GTF2H1: variants seen among roughly 807,000 people sequenced by gnomAD.
GTF2H1 encodes the protein BTF2 p62.
GTF2H1 carries 16 observed loss-of-function variants against 71.2 expected under a neutral mutation model. That is an observed-to-expected ratio of 0.22 (90% CI 0.15 to 0.34). The LOEUF (loss-of-function observed/expected upper bound fraction) is 0.34, where lower values mean the gene tolerates loss of function less well. Ranked by LOEUF, GTF2H1 falls within the 10% of genes least tolerant of loss-of-function variation. The pLI, the probability that GTF2H1 is intolerant of heterozygous loss-of-function variation, is 1.00. For missense variants in GTF2H1, 498 were observed against 648.2 expected (o/e 0.77, Z 2.52); for synonymous variants, 215 against 219.0 (o/e 0.98, Z 0.16).
At chr11:18,344,000 A>AT (rs4150620) in intron 7 of GTF2H1, among the ~76,000 whole-genome samples, 2,594 of 151,968 alleles carry the variant, frequency 0.017, 52 homozygotes, top group African/African-American at 0.052. Flanking sequence ...GGCTAATTTT[A>AT]TTTTTTGTAG....
At chr11:18,354,671 A>G (rs780244583) in intron 11 of GTF2H1, among the ~76,000 whole-genome samples, 143 of 152,232 alleles carry the variant, frequency 9.4e-4, no homozygotes, top group Admixed American at 1.6e-3. Context: ...ATGATTTTCT[A>G]ATTCCATCAG....
Position 18,361,429 on chromosome 11 carries a change from G to T in GTF2H1, c.1560+722G>T, listed in dbSNP as rs1427842849. Among the ~76,000 whole-genome samples, 4 of 152,212 alleles carry T rather than the reference G, an allele frequency of 2.6e-5. No individual in the cohort carries two copies. In the Middle Eastern group the frequency reaches 0.014, roughly 518 times the overall value. On this transcript the variant is annotated intron_variant, in intron 14 of 14. Transcript: ENST00000265963. ...TGCCTGTAATCCCAGCACATTGAGAGGCCAAGGCAGGCTGATCACTTGAGG... is the reference window on the plus strand; with the variant it reads ...TGCCTGTAATCCCAGCACATTGAGATGCCAAGGCAGGCTGATCACTTGAGG...
At chr11:18,352,878 T>C (rs4150651) in intron 11 of GTF2H1, among the ~76,000 whole-genome samples, 95,446 of 152,146 alleles carry the variant, frequency 0.63, 31,338 homozygotes, top group East Asian at 0.96. Flanking sequence ...ATCACCCTTA[T>C]TTAGGCAAAC....
chr11:18,345,957 A>AT (rs1865284667), intron 7 of GTF2H1, among the ~76,000 whole-genome samples: 1 of 151,452 alleles, frequency 6.6e-6, no homozygotes, highest in Non-Finnish European at 1.5e-5. Context: ...CGCCCGGCTA[A>AT]TTTTTTGTAT....
intron 10 of GTF2H1, 50 bp from the exon 11 acceptor site, chr11:18,352,279 G>GTCT: frequency 1.2e-6 from 1 of 825,496 alleles, no homozygotes; most frequent in East Asian, 2.5e-5. Flanking sequence ...GACAAATGTT[G>GTCT]AGCATCTTTA....
rs759797493 is a variant in GTF2H1, at chr11:18,339,681, A to G, written c.607+24A>G. The G allele has an allele frequency of 2.3e-6, 3 of 1,298,056 alleles. No individual in the cohort carries two copies. In the East Asian group the frequency reaches 6.9e-5, roughly 30 times the overall value. The allele number at this position is 1,298,056 out of a possible 1,614,324, so 80.4% of individuals were successfully genotyped here. A position where few individuals can be genotyped will look rare whatever the true frequency, so the allele number is the denominator to read the frequency against. On this transcript the variant is annotated intron_variant, in intron 5 of 14. Coordinates refer to ENST00000265963, the MANE Select transcript of GTF2H1 (RefSeq NM_005316.4). ...AGGTAAGAAGAATCAGTTCTTTCAGATGGTTAAAATATATGGATATATTCT... is the reference window on the plus strand; with the variant it reads ...AGGTAAGAAGAATCAGTTCTTTCAGGTGGTTAAAATATATGGATATATTCT...
At chr11:18,329,214 C>T (rs1319203653) in intron 1 of GTF2H1, among the ~76,000 whole-genome samples, 2 of 152,136 alleles carry the variant, frequency 1.3e-5, no homozygotes, top group African/African-American at 2.4e-5. Context: ...TAAAAGCAGT[C>T]ATCTAATCGG....
chr11:18,339,187 T>C (rs925175509), intron 4 of GTF2H1, among the ~76,000 whole-genome samples: 1 of 152,220 alleles, frequency 6.6e-6, no homozygotes, highest in Non-Finnish European at 1.5e-5. Flanking sequence ...GTGAAGTGAA[T>C]TAATAAGGCC....
intron 7 of GTF2H1, among the ~76,000 whole-genome samples, chr11:18,344,184 T>C (rs4150623): frequency 7.3e-6 from 1 of 137,690 alleles, no homozygotes; most frequent in African/African-American, 2.7e-5. Context: ...ACAATACACC[T>C]CTCATCTGTG....
chr11:18,325,133 A>C (rs1484995158), intron 1 of GTF2H1, among the ~76,000 whole-genome samples: 1 of 152,236 alleles, frequency 6.6e-6, no homozygotes, highest in Non-Finnish European at 1.5e-5. Flanking sequence ...TTCTTTCAGA[A>C]GATTTCTCTT....
intron 1 of GTF2H1, among the ~76,000 whole-genome samples, chr11:18,325,773 T>C (rs754662700): frequency 3.9e-5 from 6 of 152,160 alleles, no homozygotes; most frequent in Non-Finnish European, 7.4e-5. Context: ...TTCGGACAAA[T>C]ACATTTTTAA....
At chr11:18,332,152 G>A (rs564762842) in intron 1 of GTF2H1, among the ~76,000 whole-genome samples, 8 of 152,276 alleles carry the variant, frequency 5.3e-5, no homozygotes, top group African/African-American at 1.9e-4. Flanking sequence ...TTAACCCTCA[G>A]AAAAATGTTG....
At chr11:18,351,237 A>AAAAAAAAAT (rs59500473) in intron 9 of GTF2H1, among the ~76,000 whole-genome samples, 2 of 151,040 alleles carry the variant, frequency 1.3e-5, no homozygotes, top group African/African-American at 4.9e-5. Flanking sequence ...GAAAAAAAAA[A>AAAAAAAAAT]TTTTTTAAGC....
intron 11 of GTF2H1, among the ~76,000 whole-genome samples, chr11:18,353,117 C>G (rs902369766): frequency 1.3e-5 from 2 of 152,158 alleles, no homozygotes; most frequent in African/African-American, 4.8e-5. Context: ...CCCAGCTACT[C>G]AAGACGCTGA....
At chr11:18,341,229 A>G (rs766026326) in intron 5 of GTF2H1, 32 bp from the exon 6 acceptor site, 2 of 1,564,014 alleles carry the variant, frequency 1.3e-6, no homozygotes, top group Admixed American at 1.8e-5. Context: ...ATGGAAATTC[A>G]GTATATAATA....
chr11:18,351,834 A>G (rs1238607228), intron 9 of GTF2H1, 47 bp from the exon 10 acceptor site: 4 of 995,632 alleles, frequency 4.0e-6, no homozygotes, highest in African/African-American at 3.2e-5. Context: ...TTTATTGTGT[A>G]AGAGAAAGTT....
rs577312384 is a variant in GTF2H1 at position 18,359,275 on chromosome 11, C to T, written c.1467+635C>T. Among the ~76,000 whole-genome samples, 6 of 152,260 alleles carry T rather than the reference C, an allele frequency of 3.9e-5. No individual in the cohort carries two copies. The South Asian group carries it at 1.2e-3, about 32-fold the overall frequency. On this transcript the variant is annotated intron_variant, in intron 13 of 14. Transcript: ENST00000265963. ...AACATTTTGGCCAAGCACGGTGGCT[C>T]ACACCTGTAATCCCAACACTTTGGC...
At chr11:18,336,047 G>A (rs937147874) in intron 3 of GTF2H1, 101 bp downstream of exon 3, 2 of 807,412 alleles carry the variant, frequency 2.5e-6, no homozygotes, top group Non-Finnish European at 3.7e-6. Flanking sequence ...TTTCGGTTTT[G>A]GTTTTGGTTT....
chr11:18,351,849 CAA>C, intron 9 of GTF2H1, 30 bp from the exon 10 acceptor site: 1 of 1,133,296 alleles, frequency 8.8e-7, no homozygotes, highest in Non-Finnish European at 1.3e-6. Flanking sequence ...AAAGTTGTGA[CAA>C]AATAAAAAGT....
Sources: gnomAD v4.1 joint callset for allele counts (sites outside exome capture counted in the v4.1 genomes callset) on GRCh38, gnomAD v4.1.1 for gene constraint, MANE v1.5 for transcripts, NCBI Gene and HGNC (gene_info 2026-07-23, HGNC 2026-07-21) for gene names.